Variants in NME7 observed in about 807,000 individuals in gnomAD.
The protein encoded by NME7 is NME/NM23 family member 7.
In NME7, 41 loss-of-function variants were observed where a neutral mutation model predicts 49.1. The observed-to-expected ratio is 0.83, with a 90% CI of 0.65 to 1.08. The LOEUF (loss-of-function observed/expected upper bound fraction) is 1.08, where lower values mean the gene tolerates loss of function less well. NME7 is among the 50% of genes least tolerant of loss of function. NME7 has a pLI of 0.00. For missense variants in NME7, 423 were observed against 463.4 expected, an observed-to-expected ratio of 0.91 and a Z score of 0.80; for synonymous variants, 139 against 150.6, an observed-to-expected ratio of 0.92 and a Z score of 0.56.
At chr1:169,302,466 G>C (rs1650987473) in intron 5 of NME7, 1 of 152,140 alleles carries the variant, frequency 6.6e-6, no homozygotes, top group African/African-American at 2.4e-5. Flanking sequence ...AACATGAATG[G>C]AGATGGAGGC....
intron 3 of NME7, among the ~76,000 whole-genome samples, chr1:169,313,225 A>G (rs1350574676): frequency 1.3e-5 from 2 of 151,362 alleles, no homozygotes; most frequent in Non-Finnish European, 2.9e-5. Context: ...AAAAAAAACA[A>G]CCAAAGAATG....
chr1:169,177,333 T>C (rs61806208), intron 10 of NME7, among the ~76,000 whole-genome samples: 36,856 of 152,060 alleles, frequency 0.24, 5,462 homozygotes, highest in Non-Finnish European at 0.34. Flanking sequence ...ATATTGGGCT[T>C]TTAGATTTTA....
Position 169,169,567 on chromosome 1 carries a change from C to T in NME7, c.991-13G>A, listed in dbSNP as rs770498571. 1.9e-6 allele frequency: 3 copies of T among 1,602,996 alleles called. No individual in the cohort carries two copies. In the Admixed American group the frequency reaches 5.0e-5, roughly 27 times the overall value. On this transcript the variant is annotated splice_polypyrimidine_tract_variant and intron_variant, in intron 10 of 11. Transcript: ENST00000367811. ...GCCGGGCAATTTCCTATTAAACATA[C>T]ATTCACATATAGATTAATGTTAGTC...
intron 7 of NME7, among the ~76,000 whole-genome samples, chr1:169,270,538 G>A (rs1649457752): frequency 7.5e-6 from 1 of 133,768 alleles, no homozygotes; most frequent in South Asian, 2.3e-4. Flanking sequence ...TGTAAATGTT[G>A]GATTTTTGTT....
intron 10 of NME7, among the ~76,000 whole-genome samples, chr1:169,195,324 A>G (rs1312371184): frequency 6.6e-6 from 1 of 152,104 alleles, no homozygotes; most frequent in Non-Finnish European, 1.5e-5. Context: ...GGATCCTCCC[A>G]CCTCAGCTTC....
At chr1:169,242,187 T>G (rs915611768) in intron 7 of NME7, among the ~76,000 whole-genome samples, 6 of 152,126 alleles carry the variant, frequency 3.9e-5, no homozygotes, top group African/African-American at 1.4e-4. Context: ...CAAAGAATTA[T>G]ACACCATGAC....
chr1:169,272,798 T>G (rs1649536169), intron 7 of NME7, among the ~76,000 whole-genome samples: 1 of 133,324 alleles, frequency 7.5e-6, no homozygotes, highest in African/African-American at 2.5e-5. Context: ...TACATTCCTT[T>G]GGGTATATAC....
intron 7 of NME7, among the ~76,000 whole-genome samples, chr1:169,269,786 T>C (rs1279785844): frequency 7.4e-6 from 1 of 134,686 alleles, no homozygotes; most frequent in East Asian, 2.0e-4. Flanking sequence ...TTCTAATAAA[T>C]AATTTGCTTC....
chr1:169,297,684 C>T (rs1167276158), intron 6 of NME7, among the ~76,000 whole-genome samples: 1 of 152,124 alleles, frequency 6.6e-6, no homozygotes, highest in East Asian at 1.9e-4. Flanking sequence ...CTAGAAGAGA[C>T]AGAAATTCAC....
chr1:169,314,903 T>C (rs904577450), intron 3 of NME7, among the ~76,000 whole-genome samples: 5 of 152,188 alleles, frequency 3.3e-5, no homozygotes, highest in Admixed American at 6.5e-5. Flanking sequence ...AGTGCAGCTA[T>C]AGTAATATCA....
chr1:169,326,970 A>G lies in NME7; in HGVS notation c.4-2470T>C, dbSNP rs142794325. Reference sequence around the variant, plus strand: ...CTTCCTCAAATGCTATTAAAGCTATATATCATTTTGTTTTAACTCTTCACT... The same window carrying G: ...CTTCCTCAAATGCTATTAAAGCTATGTATCATTTTGTTTTAACTCTTCACT... On this transcript the variant is annotated intron_variant, in intron 1 of 11. Coordinates refer to ENST00000367811, the MANE Select transcript of NME7 (RefSeq NM_013330.5). Among the ~76,000 whole-genome samples the G allele has an allele frequency of 4.3e-3, 659 of 152,344 alleles. 5 individuals carry two copies. The highest frequency in any genetic ancestry group is 0.015 in the African/African-American group (619 of 41,586).
chr1:169,351,407 G>A (rs1653165802), intron 1 of NME7, among the ~76,000 whole-genome samples: 1 of 151,802 alleles, frequency 6.6e-6, no homozygotes, highest in Non-Finnish European at 1.5e-5. Context: ...AATGCTACTA[G>A]CTAGGGAATT....
At chr1:169,201,786 G>C (rs1660558820) in intron 10 of NME7, among the ~76,000 whole-genome samples, 2 of 152,134 alleles carry the variant, frequency 1.3e-5, no homozygotes, top group Admixed American at 1.3e-4. Context: ...ACATGGATCT[G>C]GTGCTCAGGA....
At chr1:169,248,093 C>T (rs116825160) in intron 7 of NME7, among the ~76,000 whole-genome samples, 96 of 152,262 alleles carry the variant, frequency 6.3e-4, no homozygotes, top group African/African-American at 2.2e-3. Context: ...AATTTACATT[C>T]CTACCAGCAG....
At chr1:169,230,023 C>T (rs901908731) in intron 10 of NME7, among the ~76,000 whole-genome samples, 1 of 151,752 alleles carries the variant, frequency 6.6e-6, no homozygotes, top group African/African-American at 2.4e-5. Context: ...GAATTGGCTG[C>T]TCATCTTCAA....
At chr1:169,188,243 T>C (rs1003093840) in intron 10 of NME7, among the ~76,000 whole-genome samples, 8 of 152,262 alleles carry the variant, frequency 5.3e-5, no homozygotes, top group Admixed American at 5.2e-4. Flanking sequence ...AAGACAAATG[T>C]CTATAAGTAT....
intron 1 of NME7, among the ~76,000 whole-genome samples, chr1:169,339,329 C>T (rs1418190390): frequency 2.0e-5 from 3 of 152,190 alleles, no homozygotes; most frequent in Non-Finnish European, 4.4e-5. Context: ...AACTCCAGGA[C>T]ATGAGTTACC....
intron 3 of NME7, among the ~76,000 whole-genome samples, chr1:169,321,332 C>G (rs1195566589): frequency 6.6e-6 from 1 of 152,036 alleles, no homozygotes; most frequent in African/African-American, 2.4e-5. Flanking sequence ...TTCACTTCAG[C>G]CTGGGTGACA....
chr1:169,309,425 T>C (rs1183430753), intron 4 of NME7, among the ~76,000 whole-genome samples: 1 of 152,096 alleles, frequency 6.6e-6, no homozygotes, highest in African/African-American at 2.4e-5. Context: ...TCATACTATA[T>C]GGCACTCCCA....
Sources: allele counts gnomAD v4.1 joint callset (sites outside exome capture counted in the v4.1 genomes callset), GRCh38; gene constraint gnomAD v4.1.1; transcripts MANE v1.5; gene names NCBI Gene and HGNC (gene_info 2026-07-23, HGNC 2026-07-21).